TNR: variants seen among roughly 807,000 people sequenced by gnomAD.
TNR encodes the protein tenascin R, also known as tenascin-R.
TNR carries 45 observed loss-of-function variants against 150.4 expected under a neutral mutation model. The ratio of observed to expected loss-of-function variants is 0.30; its 90% CI spans 0.24 to 0.38. The LOEUF is 0.38. Among genes scored for constraint, TNR ranks in the 10% least tolerant of loss-of-function variants. The pLI, the probability that TNR is intolerant of heterozygous loss-of-function variation, is 1.00. For synonymous variants in TNR, 687 were observed against 678.4 expected (o/e 1.01, Z -0.20); for missense variants, 1,544 against 1,759.1 (o/e 0.88, Z 2.19).
chr1:175,389,266 C>T (rs967915613), intron 7 of TNR, among the ~76,000 whole-genome samples: 3 of 152,224 alleles, frequency 2.0e-5, no homozygotes, highest in African/African-American at 7.2e-5. Context: ...GACCCTTCTT[C>T]TCCCTTTGAA....
chr1:175,605,180 T>C (rs1040766772), intron 1 of TNR, among the ~76,000 whole-genome samples: 10 of 152,218 alleles, frequency 6.6e-5, no homozygotes, highest in Non-Finnish European at 1.3e-4. Context: ...ATAAAAACCA[T>C]AGACTTTGGA....
intron 1 of TNR, among the ~76,000 whole-genome samples, chr1:175,651,117 T>C (rs1282320264): frequency 2.8e-5 from 3 of 106,054 alleles, no homozygotes; most frequent in Non-Finnish European, 5.6e-5. Flanking sequence ...CCCATCTCAT[T>C]ACTCCTCCTC....
chr1:175,554,339 C>CAAAA (rs5778860), intron 1 of TNR, among the ~76,000 whole-genome samples: 1 of 115,130 alleles, frequency 8.7e-6, no homozygotes, highest in East Asian at 2.8e-4. Flanking sequence ...TCCTACATGG[C>CAAAA]AAAAAAAAAA....
At position 175,355,498 on chromosome 1, in the gene TNR, C is replaced by T; in HGVS notation, c.3249+5G>A. 1 of 1,613,714 alleles carries T rather than the reference C, an allele frequency of 6.2e-7. No individual in the cohort carries two copies. The highest frequency in any genetic ancestry group is 8.5e-7 in the Non-Finnish European group (1 of 1,179,754). On this transcript the variant is annotated splice_donor_5th_base_variant and intron_variant, in intron 17 of 22. Coordinates refer to ENST00000367674, the MANE Select transcript of TNR (RefSeq NM_003285.3). ...TGGTCTTTTCCCTTTCCAGCAAAAT[C>T]TCACCTTGCGGCTTCCATCGGTGGA...
chr1:175,593,757 T>C (rs1470104943), intron 1 of TNR, among the ~76,000 whole-genome samples: 1 of 152,140 alleles, frequency 6.6e-6, no homozygotes, highest in Admixed American at 6.5e-5. Context: ...ATGTTGTGGG[T>C]GTCTTCTGCC....
At chr1:175,481,464 G>A (rs1430727805) in intron 2 of TNR, among the ~76,000 whole-genome samples, 2 of 152,100 alleles carry the variant, frequency 1.3e-5, no homozygotes, top group Admixed American at 1.3e-4. Flanking sequence ...CTCGTTGGAG[G>A]AATTTTCTGG....
chr1:175,601,234 TAG>T (rs896610806), intron 1 of TNR, among the ~76,000 whole-genome samples: 4 of 152,226 alleles, frequency 2.6e-5, no homozygotes, highest in African/African-American at 9.6e-5. Context: ...CTGCAGCGGG[TAG>T]AGTTTGGGTA....
At chr1:175,554,182 C>A (rs1463583248) in intron 1 of TNR, among the ~76,000 whole-genome samples, 2 of 152,106 alleles carry the variant, frequency 1.3e-5, no homozygotes, top group Non-Finnish European at 2.9e-5. Context: ...CATTGCCAGA[C>A]AAAATCTAAT....
intron 1 of TNR, among the ~76,000 whole-genome samples, chr1:175,568,164 C>T (rs556214376): frequency 1.1e-4 from 17 of 152,346 alleles, no homozygotes; most frequent in Middle Eastern, 3.4e-3. Context: ...CAGCTGTGGA[C>T]AGGCAGGTGC....
intron 9 of TNR, among the ~76,000 whole-genome samples, chr1:175,367,903 G>A (rs1451278240): frequency 6.6e-6 from 1 of 152,098 alleles, no homozygotes; most frequent in African/African-American, 2.4e-5. Flanking sequence ...AGGCCTCAGG[G>A]TATCTAAAGC....
chr1:175,332,805 C>A (rs770216132), intron 20 of TNR, among the ~76,000 whole-genome samples: 4 of 152,280 alleles, frequency 2.6e-5, no homozygotes, highest in African/African-American at 9.6e-5. Context: ...TGGTCTCTTC[C>A]TTCTTTGAAT....
At chr1:175,526,518 GA>G (rs1490416829) in intron 2 of TNR, among the ~76,000 whole-genome samples, 3 of 152,208 alleles carry the variant, frequency 2.0e-5, no homozygotes, top group Non-Finnish European at 4.4e-5. Flanking sequence ...CAAAACGGGA[GA>G]AAGTAGTACG....
chr1:175,336,052 A>G (rs1300787041), intron 19 of TNR, among the ~76,000 whole-genome samples: 1 of 152,200 alleles, frequency 6.6e-6, no homozygotes, highest in East Asian at 1.9e-4. Flanking sequence ...CTCCAGTGTG[A>G]TGTTGACACT....
At chr1:175,634,788 T>A (rs1380241511) in intron 1 of TNR, among the ~76,000 whole-genome samples, 1 of 152,230 alleles carries the variant, frequency 6.6e-6, no homozygotes, top group Non-Finnish European at 1.5e-5. Flanking sequence ...TTGCCACTCC[T>A]AATCGATATG....
intron 2 of TNR, among the ~76,000 whole-genome samples, chr1:175,498,167 G>A (rs777933539): frequency 5.7e-4 from 86 of 152,180 alleles, no homozygotes; most frequent in South Asian, 8.3e-4. Flanking sequence ...AAAATTCCTG[G>A]TAGCAGAAAT....
intron 9 of TNR, among the ~76,000 whole-genome samples, chr1:175,377,791 AGGAAT>A (rs201180035): frequency 4.5e-4 from 69 of 152,308 alleles, no homozygotes; most frequent in African/African-American, 1.4e-3. Context: ...ATACTTTTGC[AGGAAT>A]CCAAGACACA....
chr1:175,576,649 TG>T (rs200127580), intron 1 of TNR, among the ~76,000 whole-genome samples: 3,528 of 152,298 alleles, frequency 0.023, 137 homozygotes, highest in African/African-American at 0.078. Context: ...ATCCCAAGCT[TG>T]TAAATACTTC....
At chr1:175,738,008 G>A (rs1571806564) in intron 1 of TNR, among the ~76,000 whole-genome samples, 1 of 152,264 alleles carries the variant, frequency 6.6e-6, no homozygotes, top group South Asian at 2.1e-4. Context: ...TAGCATCCAT[G>A]CTCACTTAAA....
At chr1:175,683,393 T>C (rs12401659) in intron 1 of TNR, among the ~76,000 whole-genome samples, 69,655 of 152,044 alleles carry the variant, frequency 0.46, 16,889 homozygotes, top group East Asian at 0.92. Context: ...TGACCAACCC[T>C]ACAATCTCCA....
Sources: gnomAD v4.1 joint callset for allele counts (sites outside exome capture counted in the v4.1 genomes callset) on GRCh38, gnomAD v4.1.1 for gene constraint, MANE v1.5 for transcripts, NCBI Gene and HGNC (gene_info 2026-07-23, HGNC 2026-07-21) for gene names.